The following CLCN3 variants were observed in gnomAD, a reference collection of about 807,000 sequenced individuals.
CLCN3 encodes the protein Cl-/H+ antiporter 3, also known as H(+)/Cl(-) exchange transporter 3.
In CLCN3, 16 loss-of-function variants were observed where a neutral mutation model predicts 83.4. The ratio of observed to expected loss-of-function variants is 0.19; its 90% CI spans 0.13 to 0.29. The LOEUF (loss-of-function observed/expected upper bound fraction) is 0.29. Ranked by LOEUF, CLCN3 falls within the 10% of genes least tolerant of loss-of-function variation. The probability of loss-of-function intolerance (pLI) is 1.00; values close to 1 mark genes in which losing one functional copy is unlikely to be tolerated. For synonymous variants in CLCN3, 322 were observed against 346.2 expected (o/e 0.93, Z 0.78); for missense variants, 544 against 1,006.0 (o/e 0.54, Z 6.21).
rs567843142 is a variant in CLCN3 at position 169,680,486 on chromosome 4, G to A, written c.318+279G>A. On this transcript the variant is annotated intron_variant, in intron 3 of 12. Coordinates refer to ENST00000513761, the MANE Select transcript of CLCN3 (RefSeq NM_001829.4). Reference sequence around the variant, plus strand: ...GGAAAGGGAAAAATACAGCACAGGAGTTGGGGGGAAGAACAAGCCAAGTTC... The same window carrying A: ...GGAAAGGGAAAAATACAGCACAGGAATTGGGGGGAAGAACAAGCCAAGTTC... 3.0e-5 allele frequency: 8 copies of A among 266,018 alleles called. No individual in the cohort carries two copies. The Admixed American group carries it at 4.1e-4, about 14-fold the overall frequency. 16.5% of individuals were successfully genotyped at this position (266,018 alleles called of 1,614,324 possible). A position where few individuals can be genotyped will look rare whatever the true frequency, so the allele number is the denominator to read the frequency against.
chr4:169,680,236 A>C (rs778252434), intron 3 of CLCN3, 29 bp downstream of exon 3: 1 of 1,523,856 alleles, frequency 6.6e-7, no homozygotes, highest in South Asian at 1.2e-5. Context: ...AATTTTTAAA[A>C]ACATAGTGCA....
intron 2 of CLCN3, among the ~76,000 whole-genome samples, chr4:169,640,005 A>G (rs1262037340): frequency 6.6e-6 from 1 of 152,226 alleles, no homozygotes; most frequent in African/African-American, 2.4e-5. Context: ...CACGTACAAC[A>G]TAGTAGTAAA....
chr4:169,660,454 A>C, intron 2 of CLCN3: 1 of 1,326,374 alleles, frequency 7.5e-7, no homozygotes, highest in Non-Finnish European at 9.6e-7. Context: ...AAGAGGTAAT[A>C]CTATCCCCTT....
intron 5 of CLCN3, 62 bp downstream of exon 5, chr4:169,689,292 T>C: frequency 7.1e-7 from 1 of 1,411,892 alleles, no homozygotes; most frequent in South Asian, 1.3e-5. Flanking sequence ...TTCCAATTCA[T>C]TTAATTATAG....
At chr4:169,641,558 A>G (rs1322675229) in intron 2 of CLCN3, among the ~76,000 whole-genome samples, 1 of 152,194 alleles carries the variant, frequency 6.6e-6, no homozygotes, top group Admixed American at 6.5e-5. Context: ...TCATTCAAAT[A>G]TCTATTGTTA....
At chr4:169,692,764 T>A (rs1581256889) in intron 7 of CLCN3, among the ~76,000 whole-genome samples, 1 of 152,214 alleles carries the variant, frequency 6.6e-6, no homozygotes, top group East Asian at 1.9e-4. Flanking sequence ...TATCCAGTGC[T>A]ATGGGGAAGT....
At chr4:169,679,019 G>A (rs1403055889) in intron 2 of CLCN3, among the ~76,000 whole-genome samples, 1 of 149,546 alleles carries the variant, frequency 6.7e-6, no homozygotes, top group African/African-American at 2.5e-5. Flanking sequence ...CTCCCAGACG[G>A]GGCGGCTGCC....
At chr4:169,636,740 T>G (rs924893765) in intron 2 of CLCN3, among the ~76,000 whole-genome samples, 3 of 151,568 alleles carry the variant, frequency 2.0e-5, no homozygotes, top group South Asian at 4.1e-4. Flanking sequence ...ATTTGGTTTT[T>G]TTTTTTTTTT....
chr4:169,681,877 T>C (rs990345417), intron 3 of CLCN3, among the ~76,000 whole-genome samples: 13 of 152,236 alleles, frequency 8.5e-5, no homozygotes, highest in Non-Finnish European at 1.5e-4. Flanking sequence ...TGGATTCTCA[T>C]ATCTGCTTTT....
chr4:169,650,887 G>A (rs1047213946), intron 2 of CLCN3, among the ~76,000 whole-genome samples: 20 of 152,114 alleles, frequency 1.3e-4, no homozygotes, highest in African/African-American at 4.3e-4. Flanking sequence ...AAATTTGTGC[G>A]TTTATATAAG....
chr4:169,693,253 G>T (rs1732439610), intron 7 of CLCN3, among the ~76,000 whole-genome samples: 2 of 152,098 alleles, frequency 1.3e-5, no homozygotes, highest in Admixed American at 6.5e-5. Flanking sequence ...CCTTGCATTG[G>T]ACGTAGATAT....
At chr4:169,643,701 T>C (rs1730489023) in intron 2 of CLCN3, among the ~76,000 whole-genome samples, 1 of 152,104 alleles carries the variant, frequency 6.6e-6, no homozygotes, top group African/African-American at 2.4e-5. Context: ...ACCCAGCTAA[T>C]TTTTAATTTT....
At chr4:169,693,211 A>G (rs1203771958) in intron 7 of CLCN3, among the ~76,000 whole-genome samples, 2 of 152,220 alleles carry the variant, frequency 1.3e-5, no homozygotes, top group African/African-American at 4.8e-5. Flanking sequence ...AAATAATTCT[A>G]GTACATTTTA....
At chr4:169,645,057 T>A (rs2150208675) in intron 2 of CLCN3, among the ~76,000 whole-genome samples, 2 of 149,286 alleles carry the variant, frequency 1.3e-5, no homozygotes, top group South Asian at 2.1e-4. Flanking sequence ...ATTTGTGTTG[T>A]TTTAAGCTAC....
At chr4:169,629,527 T>C (rs963690915) in intron 1 of CLCN3, among the ~76,000 whole-genome samples, 2 of 152,076 alleles carry the variant, frequency 1.3e-5, no homozygotes, top group African/African-American at 4.8e-5. Flanking sequence ...CTCACCACTA[T>C]GCCCGGCTAA....
At chr4:169,711,109 A>G (rs574824450) in intron 11 of CLCN3, among the ~76,000 whole-genome samples, 1 of 152,352 alleles carries the variant, frequency 6.6e-6, no homozygotes, top group African/African-American at 2.4e-5. Context: ...TTCTTATAAC[A>G]ACTTAACTTC....
At chr4:169,718,642 A>T (rs1056750197) in intron 12 of CLCN3, among the ~76,000 whole-genome samples, 2 of 152,200 alleles carry the variant, frequency 1.3e-5, no homozygotes, top group African/African-American at 4.8e-5. Flanking sequence ...TGCATAACAT[A>T]AAAAATGTCT....
At chr4:169,696,801 G>T in intron 8 of CLCN3, among the ~76,000 whole-genome samples, 1 of 143,834 alleles carries the variant, frequency 7.0e-6, no homozygotes. Context: ...TTTTCTTTTA[G>T]TTGTTTGTAT....
Position 169,651,436 on chromosome 4 carries a change from A to G in CLCN3, c.160+15348A>G, listed in dbSNP as rs142630638. On this transcript the variant is annotated intron_variant, in intron 2 of 12. Transcript: ENST00000513761. ...TGTAAAATCATAAGCTGAAGCAAAT[A>G]TAGTCATTTCTTGGTATTTGTGAGA... Among the ~76,000 whole-genome samples the G allele has an allele frequency of 9.8e-5, 15 of 152,288 alleles. 1 individual carries two copies. In the East Asian group the frequency reaches 2.1e-3, roughly 22 times the overall value.
Sources: gnomAD v4.1 joint callset for allele counts (sites outside exome capture counted in the v4.1 genomes callset) on GRCh38, gnomAD v4.1.1 for gene constraint, MANE v1.5 for transcripts, NCBI Gene and HGNC (gene_info 2026-07-23, HGNC 2026-07-21) for gene names.